Variants in CFAP53 observed in about 807,000 individuals in gnomAD.
CFAP53 encodes the protein cilia and flagella associated protein 53.
In CFAP53, 62 loss-of-function variants were observed where a neutral mutation model predicts 59.7. That is an observed-to-expected ratio of 1.04 (90% CI 0.85 to 1.28). CFAP53 has a LOEUF of 1.28. CFAP53 is among the 50% of genes most tolerant of loss of function. The pLI, the probability that CFAP53 is intolerant of heterozygous loss-of-function variation, is 0.00. For missense variants in CFAP53, 629 were observed against 615.6 expected, an observed-to-expected ratio of 1.02 and a Z score of -0.23; for synonymous variants, 218 against 205.7, an observed-to-expected ratio of 1.06 and a Z score of -0.51.
chr18:50,249,902 C>T (rs2033781239), intron 5 of CFAP53, among the ~76,000 whole-genome samples: 1 of 152,144 alleles, frequency 6.6e-6, no homozygotes, highest in African/African-American at 2.4e-5. Flanking sequence ...TTTCTTAAAA[C>T]TGCATGTGAA....
chr18:50,237,059 C>A (rs2033640819), intron 7 of CFAP53, among the ~76,000 whole-genome samples: 1 of 151,374 alleles, frequency 6.6e-6, no homozygotes, highest in Non-Finnish European at 1.5e-5. Context: ...GTAATCCCAG[C>A]ACTTTGGGAG....
chr18:50,258,669 C>T (rs1319868391), intron 3 of CFAP53, among the ~76,000 whole-genome samples: 2 of 152,086 alleles, frequency 1.3e-5, no homozygotes, highest in African/African-American at 4.8e-5. Flanking sequence ...AAGAGACAAC[C>T]CACAGAATGG....
At chr18:50,227,990 C>T (rs1026885743) in intron 7 of CFAP53, among the ~76,000 whole-genome samples, 20 of 99,618 alleles carry the variant, frequency 2.0e-4, no homozygotes, top group East Asian at 3.5e-4. Flanking sequence ...GACGGAGTCT[C>T]GCTCTGTCAC....
At chr18:50,250,381 A>G (rs1383990202) in intron 5 of CFAP53, among the ~76,000 whole-genome samples, 3 of 152,232 alleles carry the variant, frequency 2.0e-5, no homozygotes, top group African/African-American at 7.2e-5. Context: ...AGTTAACTCA[A>G]TACTGAATGC....
chr18:50,240,736 T>C (rs759510823), intron 6 of CFAP53, among the ~76,000 whole-genome samples: 4 of 152,224 alleles, frequency 2.6e-5, no homozygotes, highest in Admixed American at 2.0e-4. Flanking sequence ...TTCCATCTAA[T>C]ATTGGCTTAA....
At chr18:50,237,329 A>AAAAAAATAT (rs1555671378) in intron 7 of CFAP53, among the ~76,000 whole-genome samples, 1 of 6,340 alleles carries the variant, frequency 1.6e-4, no homozygotes, top group African/African-American at 2.8e-4. Flanking sequence ...AAAAAAAAAA[A>AAAAAAATAT]ATATATATAT....
intron 7 of CFAP53, 26 bp from the exon 8 acceptor site, chr18:50,227,635 T>C: frequency 6.6e-7 from 1 of 1,504,138 alleles, no homozygotes; most frequent in Non-Finnish European, 9.2e-7. Flanking sequence ...TGTCAAAGCA[T>C]AAAATTATAA....
rs1384653825 is a variant in CFAP53 at position 50,236,668 on chromosome 18, ATCCCTGACTACAG to A, written c.1316+1922_1316+1934del. Among the ~76,000 whole-genome samples the A allele has an allele frequency of 7.9e-5, 12 of 152,312 alleles. No individual in the cohort carries two copies. In the South Asian group the frequency reaches 2.1e-3, roughly 26 times the overall value. On this transcript the variant is annotated intron_variant, in intron 7 of 7. Coordinates refer to ENST00000398545, the MANE Select transcript of CFAP53 (RefSeq NM_145020.5). The stretch of plus-strand genomic sequence containing the variant: ...CTAAAACTCCTAGTTGATAACTGAG[ATCCCTGACTACAG>A]TCAGCATACACTGCCAGCTATATGA...
intron 5 of CFAP53, among the ~76,000 whole-genome samples, chr18:50,247,682 T>C (rs116886831): frequency 6.6e-6 from 1 of 152,116 alleles, no homozygotes; most frequent in Non-Finnish European, 1.5e-5. Context: ...CTTGAAAACA[T>C]TATGCTAAGT....
intron 3 of CFAP53, among the ~76,000 whole-genome samples, chr18:50,260,507 A>G (rs1360650182): frequency 6.6e-6 from 1 of 152,174 alleles, no homozygotes; most frequent in Non-Finnish European, 1.5e-5. Flanking sequence ...TACAAAAAAT[A>G]CAAAAAAATT....
At position 50,261,104 on chromosome 18, in the gene CFAP53, T is replaced by G. The variant is rs748125320; in HGVS notation, c.433A>C (p.Arg145=). 1 of 1,601,314 alleles carries G rather than the reference T, an allele frequency of 6.2e-7. No individual in the cohort carries two copies. Among genetic ancestry groups the G allele is most frequent in the Non-Finnish European group, 8.5e-7 (1 of 1,177,044 alleles). Residue 145 remains arginine (R), a synonymous_variant, in exon 3 of 8, where the codon AGG becomes CGG. Transcript: ENST00000398545. The stretch of plus-strand genomic sequence containing the variant: ...AGCTTTTCAGCCACAAAATCCTGCC[T>G]CTCTTTTTCATTCTTCTCTTTTAGT... ...KLLKEKNEKE[R]QDFVAEKLDQ...
chr18:50,264,230 G>C (rs2033917833), intron 1 of CFAP53, among the ~76,000 whole-genome samples: 1 of 152,166 alleles, frequency 6.6e-6, no homozygotes, highest in South Asian at 2.1e-4. Context: ...CCATGCTAAA[G>C]TCAGGAAAAC....
intron 3 of CFAP53, among the ~76,000 whole-genome samples, chr18:50,254,848 G>A (rs566588491): frequency 1.3e-5 from 2 of 152,262 alleles, no homozygotes; most frequent in East Asian, 1.9e-4. Context: ...CCGAGATCAC[G>A]CCATTTCATT....
At position 50,227,530 on chromosome 18, in the gene CFAP53, T is replaced by G. The variant is rs780026176; in HGVS notation, c.1396A>C (p.Lys466Gln). 1 of 1,614,182 alleles carries G rather than the reference T, an allele frequency of 6.2e-7. No homozygotes were observed. Reference protein sequence around the residue: ...AYQQQSQEAEKEEKRREFEAG... With the variant: ...AYQQQSQEAEQEEKRREFEAG... Reference sequence around the variant, plus strand: ...TCAAACTCTCGGCGTTTCTCTTCCTTCTCTGCTTCTTGGGACTGCTGCTGG... The same window carrying G: ...TCAAACTCTCGGCGTTTCTCTTCCTGCTCTGCTTCTTGGGACTGCTGCTGG... The change falls in exon 8 of 8, where the codon AAG (lysine) becomes CAG (glutamine). Residue 466 changes from lysine (K) to glutamine (Q), a missense_variant. Coordinates refer to ENST00000398545, the MANE Select transcript of CFAP53 (RefSeq NM_145020.5).
chr18:50,250,678 T>C (rs1238008212), intron 5 of CFAP53, 80 bp downstream of exon 5: 1 of 1,114,264 alleles, frequency 9.0e-7, no homozygotes, highest in Non-Finnish European at 1.4e-6. Flanking sequence ...TGCTATATAT[T>C]TGAAGCCATC....
At chr18:50,249,009 C>T (rs1271299002) in intron 5 of CFAP53, among the ~76,000 whole-genome samples, 1 of 151,768 alleles carries the variant, frequency 6.6e-6, no homozygotes, top group East Asian at 1.9e-4. Flanking sequence ...TTGAGACCAG[C>T]CTGGCCAACG....
intron 3 of CFAP53, among the ~76,000 whole-genome samples, chr18:50,260,569 G>T (rs1443405611): frequency 6.6e-6 from 1 of 152,174 alleles, no homozygotes; most frequent in African/African-American, 2.4e-5. Context: ...AGAGGCTGAG[G>T]TGGGAGGATC....
Position 50,254,175 on chromosome 18 carries a change from C to T in CFAP53, c.474-2391G>A, listed in dbSNP as rs977806060. Among the ~76,000 whole-genome samples the T allele has an allele frequency of 8.7e-5, 13 of 148,938 alleles. No individual in the cohort carries two copies. In the South Asian group the frequency reaches 1.5e-3, roughly 17 times the overall value. Reference sequence around the variant, plus strand: ...AAGCTATAGTCTAGGAAAAAAACCACGTATCGGACAAAGAAGTACTGTCTA... The same window carrying T: ...AAGCTATAGTCTAGGAAAAAAACCATGTATCGGACAAAGAAGTACTGTCTA... On this transcript the variant is annotated intron_variant, in intron 3 of 7. Coordinates refer to ENST00000398545, the MANE Select transcript of CFAP53 (RefSeq NM_145020.5).
At chr18:50,264,207 T>A (rs992701088) in intron 1 of CFAP53, among the ~76,000 whole-genome samples, 1 of 152,224 alleles carries the variant, frequency 6.6e-6, no homozygotes, top group Non-Finnish European at 1.5e-5. Context: ...CTATTGGACA[T>A]CACAGCTCTA....
Sources: allele counts gnomAD v4.1 joint callset (sites outside exome capture counted in the v4.1 genomes callset), GRCh38; gene constraint gnomAD v4.1.1; transcripts MANE v1.5; gene names NCBI Gene and HGNC (gene_info 2026-07-23, HGNC 2026-07-21).